ZNF385B: variants seen among roughly 807,000 people sequenced by gnomAD.
ZNF385B encodes the protein zinc finger protein 385B.
A neutral mutation model predicts 39.2 loss-of-function variants in ZNF385B; 23 were observed. The observed-to-expected ratio is 0.59, with a 90% CI of 0.42 to 0.83. ZNF385B has a LOEUF of 0.83. Among genes scored for constraint, ZNF385B ranks in the 40% least tolerant of loss-of-function variants. ZNF385B has a pLI of 0.00. For synonymous variants in ZNF385B, 205 were observed against 222.6 expected (o/e 0.92, Z 0.70); for missense variants, 552 against 598.9 (o/e 0.92, Z 0.82).
chr2:179,789,767 T>C (rs1294308105), intron 1 of ZNF385B, among the ~76,000 whole-genome samples: 1 of 152,086 alleles, frequency 6.6e-6, no homozygotes, highest in Non-Finnish European at 1.5e-5. Context: ...TACTAAACTA[T>C]TTGTAGCATG....
At chr2:179,615,485 A>C (rs1336899189) in intron 3 of ZNF385B, among the ~76,000 whole-genome samples, 1 of 152,206 alleles carries the variant, frequency 6.6e-6, no homozygotes, top group Non-Finnish European at 1.5e-5. Context: ...CCTGATGCAG[A>C]CTAATGTTTG....
intron 1 of ZNF385B, among the ~76,000 whole-genome samples, chr2:179,829,156 A>G (rs1385287312): frequency 6.6e-6 from 1 of 152,220 alleles, no homozygotes; most frequent in African/African-American, 2.4e-5. Context: ...CCCAAAATAC[A>G]GTAAAAGACC....
intron 6 of ZNF385B, among the ~76,000 whole-genome samples, chr2:179,453,011 C>T (rs2050309998): frequency 6.6e-6 from 1 of 152,134 alleles, no homozygotes; most frequent in Non-Finnish European, 1.5e-5. Flanking sequence ...CATTACTCTA[C>T]ACTATTTTTT....
intron 3 of ZNF385B, chr2:179,745,590 G>A: frequency 1.2e-6 from 1 of 808,114 alleles, no homozygotes; most frequent in Non-Finnish European, 1.7e-6. Context: ...TGCTCCTTCA[G>A]ATGTGTCAGC....
intron 3 of ZNF385B, among the ~76,000 whole-genome samples, chr2:179,619,294 C>T (rs1037364040): frequency 6.6e-6 from 1 of 152,132 alleles, no homozygotes; most frequent in Non-Finnish European, 1.5e-5. Flanking sequence ...CTTAAGTCTT[C>T]CAAGAGAAAT....
intron 3 of ZNF385B, among the ~76,000 whole-genome samples, chr2:179,632,676 G>C (rs770621461): frequency 8.5e-5 from 13 of 152,090 alleles, no homozygotes; most frequent in Non-Finnish European, 1.6e-4. Flanking sequence ...TCAAAAGCTA[G>C]CAGAAGGTAA....
At chr2:179,668,340 G>A (rs1695449749) in intron 3 of ZNF385B, among the ~76,000 whole-genome samples, 1 of 152,180 alleles carries the variant, frequency 6.6e-6, no homozygotes, top group Admixed American at 6.5e-5. Context: ...CATCTGAAGA[G>A]ACCACAATAT....
intron 1 of ZNF385B, among the ~76,000 whole-genome samples, chr2:179,806,651 A>C (rs1253719389): frequency 6.6e-6 from 1 of 152,186 alleles, no homozygotes; most frequent in African/African-American, 2.4e-5. Flanking sequence ...ACATTCTCAC[A>C]TGTTAACTCA....
chr2:179,726,405 T>G (rs1479516062), intron 3 of ZNF385B, among the ~76,000 whole-genome samples: 1 of 152,056 alleles, frequency 6.6e-6, no homozygotes, highest in Non-Finnish European at 1.5e-5. Context: ...TGGAATCACA[T>G]GTCCTCACTC....
At chr2:179,541,292 A>G (rs543700634) in intron 4 of ZNF385B, among the ~76,000 whole-genome samples, 1 of 152,362 alleles carries the variant, frequency 6.6e-6, no homozygotes, top group Admixed American at 6.5e-5. Flanking sequence ...AAAGAACACC[A>G]TGAAGCATAT....
chr2:179,805,370 G>C (rs1706286705), intron 1 of ZNF385B, among the ~76,000 whole-genome samples: 1 of 152,128 alleles, frequency 6.6e-6, no homozygotes, highest in Admixed American at 6.5e-5. Context: ...GATGTGTAAG[G>C]CATAATAAAA....
intron 1 of ZNF385B, among the ~76,000 whole-genome samples, chr2:179,817,464 G>A (rs1192286505): frequency 6.6e-6 from 1 of 152,124 alleles, no homozygotes; most frequent in African/African-American, 2.4e-5. Flanking sequence ...AATAATAAAA[G>A]TGAGCCAGTA....
intron 5 of ZNF385B, among the ~76,000 whole-genome samples, chr2:179,493,582 T>G (rs111163599): frequency 0.25 from 28,053 of 113,968 alleles, 4,778 homozygotes; most frequent in East Asian, 0.56. Flanking sequence ...CATATGTGTA[T>G]GTGTACATAT....
At chr2:179,559,237 G>A (rs2061161025) in intron 3 of ZNF385B, among the ~76,000 whole-genome samples, 1 of 152,140 alleles carries the variant, frequency 6.6e-6, no homozygotes, top group Non-Finnish European at 1.5e-5. Context: ...AAACACTCCT[G>A]TGGGCGACTG....
chr2:179,493,366 G>C lies in ZNF385B; in HGVS notation c.553-9932C>G, dbSNP rs1478812445. Among the ~76,000 whole-genome samples, 4 of 129,770 alleles carry C rather than the reference G, an allele frequency of 3.1e-5. No homozygotes were observed. In the Admixed American group the frequency reaches 3.6e-4, roughly 12 times the overall value. 85.1% of individuals were successfully genotyped at this position (129,770 alleles called of 152,430 possible). A position where few individuals can be genotyped will look rare whatever the true frequency, so the allele number is the denominator to read the frequency against. ...TATATGGCATGTATATATATATGTA[G>C]GTTTGTGTGCGCGCGCACATATATG... On this transcript the variant is annotated intron_variant, in intron 5 of 9. Transcript: ENST00000410066.
At chr2:179,860,836 T>G in intron 1 of ZNF385B, 1 of 446,010 alleles carries the variant, frequency 2.2e-6, no homozygotes, top group Non-Finnish European at 4.7e-6. Context: ...AGGAGTATGC[T>G]CCTGTGGCTT....
chr2:179,459,634 T>C (rs1251627690), intron 6 of ZNF385B, among the ~76,000 whole-genome samples: 4 of 151,666 alleles, frequency 2.6e-5, no homozygotes, highest in Non-Finnish European at 5.9e-5. Flanking sequence ...TGTGGATTTA[T>C]ATATACAAAT....
intron 3 of ZNF385B, among the ~76,000 whole-genome samples, chr2:179,696,103 A>G (rs1698715880): frequency 6.6e-6 from 1 of 152,132 alleles, no homozygotes; most frequent in Non-Finnish European, 1.5e-5. Flanking sequence ...TTAGCATTGA[A>G]GGTGTTGTGG....
At chr2:179,859,236 T>C (rs973008917) in intron 1 of ZNF385B, among the ~76,000 whole-genome samples, 2 of 152,220 alleles carry the variant, frequency 1.3e-5, no homozygotes, top group Non-Finnish European at 2.9e-5. Flanking sequence ...CTGATTTGAC[T>C]ATAGAGGAGA....
Sources: gnomAD v4.1 joint callset for allele counts (sites outside exome capture counted in the v4.1 genomes callset) on GRCh38, gnomAD v4.1.1 for gene constraint, MANE v1.5 for transcripts, NCBI Gene and HGNC (gene_info 2026-07-23, HGNC 2026-07-21) for gene names.